Variants in PI4KA observed in about 807,000 individuals in gnomAD.
PI4KA encodes the protein PI4-kinase alpha.
In PI4KA, 122 loss-of-function variants were observed where a neutral mutation model predicts 271.4. The observed-to-expected ratio is 0.45, with a 90% CI of 0.39 to 0.52. PI4KA has a LOEUF of 0.52. Among genes scored for constraint, PI4KA ranks in the 20% least tolerant of loss-of-function variants. The pLI is 0.00. For missense variants in PI4KA, 1,969 were observed against 2,769.1 expected (o/e 0.71, Z 6.48); for synonymous variants, 1,041 against 1,078.8 (o/e 0.96, Z 0.69).
intron 19 of PI4KA, among the ~76,000 whole-genome samples, chr22:20,770,513 C>CAAAAA (rs1178691364): frequency 1.5e-4 from 2 of 13,202 alleles, no homozygotes; most frequent in African/African-American, 7.3e-4. Context: ...AACTCCGTCT[C>CAAAAA]AAAAAAAAAA....
chr22:20,787,199 G>A, intron 19 of PI4KA: 3 of 811,672 alleles, frequency 3.7e-6, no homozygotes, highest in Admixed American at 2.0e-5. Context: ...GCCCATATGA[G>A]AGGAGCTTAG....
intron 29 of PI4KA, among the ~76,000 whole-genome samples, chr22:20,746,155 C>T (rs550266787): frequency 2.0e-3 from 298 of 149,128 alleles, no homozygotes; most frequent in Middle Eastern, 7.0e-3. Context: ...CTCCGCCTCC[C>T]GGGTTCACAC....
At chr22:20,726,129 A>G (rs1927317394) in intron 42 of PI4KA, among the ~76,000 whole-genome samples, 1 of 152,120 alleles carries the variant, frequency 6.6e-6, no homozygotes. Context: ...AGACTAATGC[A>G]TATGTCATCT....
At chr22:20,721,619 C>G in intron 42 of PI4KA, 1 of 572,304 alleles carries the variant, frequency 1.7e-6, no homozygotes, top group East Asian at 2.8e-5. Context: ...GGGGCTGGGA[C>G]CTGGGGGGCA....
chr22:20,784,344 G>C, intron 19 of PI4KA: 4 of 1,521,336 alleles, frequency 2.6e-6, no homozygotes, highest in East Asian at 2.3e-5. Context: ...GGAGAATTAT[G>C]TACAAGTACC....
In PI4KA at chr22:20,729,651, G is replaced by A. The variant is rs1927777976; in HGVS notation, c.4469C>T (p.Thr1490Met). 7 of 1,575,312 alleles carry A rather than the reference G, an allele frequency of 4.4e-6. 1 individual carries two copies. The highest frequency in any genetic ancestry group is 2.7e-5 in the African/African-American group (2 of 74,270). Residue 1490 changes from threonine to methionine, a missense_variant, in exon 38 of 55, where the codon ACG (threonine) becomes ATG (methionine). Thr to Met is a moderately conservative substitution (Grantham distance 81). Transcript: ENST00000255882. ...CCTTACCAGCAGGGACAGCAGCAGC[G>A]TCCTGCGCTTCATGTAGTATTTGTG... Reference protein sequence around the residue: ...QLHKYYMKRRTLLLSLLATEI... With the variant: ...QLHKYYMKRRMLLLSLLATEI...
At chr22:20,724,575 C>T (rs1370228553) in intron 42 of PI4KA, among the ~76,000 whole-genome samples, 1 of 152,098 alleles carries the variant, frequency 6.6e-6, no homozygotes, top group Non-Finnish European at 1.5e-5. Flanking sequence ...CACTGCACTG[C>T]AGCCTGGGCA....
chr22:20,814,604 C>T (rs112975303), intron 7 of PI4KA, among the ~76,000 whole-genome samples: 469 of 149,962 alleles, frequency 3.1e-3, no homozygotes, highest in Non-Finnish European at 5.2e-3. Flanking sequence ...AAAAATTAGC[C>T]GGATACAGCA....
chr22:20,829,922 A>C (rs1923933146), intron 3 of PI4KA, among the ~76,000 whole-genome samples: 1 of 152,194 alleles, frequency 6.6e-6, no homozygotes, highest in African/African-American at 2.4e-5. Flanking sequence ...AAGGTCATTC[A>C]GGAGCAGGTT....
intron 30 of PI4KA, among the ~76,000 whole-genome samples, chr22:20,744,355 G>A (rs1213856428): frequency 6.6e-6 from 1 of 152,168 alleles, no homozygotes. Context: ...GTTTGTTACT[G>A]CTGTAAAAAA....
At chr22:20,787,161 T>C in intron 19 of PI4KA, 1 of 1,114,566 alleles carries the variant, frequency 9.0e-7, no homozygotes, top group Non-Finnish European at 1.4e-6. Context: ...ATCATTTACG[T>C]AGTTTACGCT....
At chr22:20,831,253 C>T (rs1924122733) in intron 3 of PI4KA, among the ~76,000 whole-genome samples, 1 of 151,894 alleles carries the variant, frequency 6.6e-6, no homozygotes, top group Non-Finnish European at 1.5e-5. Context: ...TTCTTCGTTG[C>T]AAATTCTTTT....
intron 22 of PI4KA, 66 bp from the exon 23 acceptor site, chr22:20,761,452 C>G: frequency 1.1e-6 from 1 of 927,238 alleles, no homozygotes; most frequent in Non-Finnish European, 1.8e-6. Flanking sequence ...AGATTTGACA[C>G]TGCCCATAAG....
chr22:20,708,059 G>A lies in PI4KA; in HGVS notation c.6297C>T (p.Asp2099=). Reference sequence around the variant, plus strand: ...GAAGGTCCCCTCCTCAGTAGGGGATGTCATTCTGATAGTACTGGATCATGT... The same window carrying A: ...GAAGGTCCCCTCCTCAGTAGGGGATATCATTCTGATAGTACTGGATCATGT... ...TYDMIQYYQN[D]IPY Residue 2099 remains aspartate (D), a synonymous_variant, in exon 55 of 55, where the codon GAC becomes GAT. Transcript: ENST00000255882. 6.2e-7 allele frequency: 1 copy of A among 1,613,198 alleles called. No individual in the cohort carries two copies. Among genetic ancestry groups the A allele is most frequent in the Non-Finnish European group, 8.5e-7 (1 of 1,179,272 alleles).
At chr22:20,834,460 C>A in intron 3 of PI4KA, 102 bp downstream of exon 3, 1 of 760,986 alleles carries the variant, frequency 1.3e-6, no homozygotes, top group South Asian at 1.6e-5. Context: ...AGGAGGGAGA[C>A]AAGATGCATC....
Position 20,764,812 on chromosome 22 carries a change from TGTACCTCATGTACTCCAGCCG to T in PI4KA, c.2692_2708+4del. The T allele has an allele frequency of 6.2e-7, 1 of 1,609,112 alleles. No homozygotes were observed. Among genetic ancestry groups the T allele is most frequent in the Non-Finnish European group, 8.5e-7 (1 of 1,177,150 alleles). ...GCATGTGCATGGTGGTGAAGGCACG[TGTACCTCATGTACTCCAGCCG>T]GTACACAGAGAGGAGGTAGGTGGAC... is the stretch of plus-strand genomic sequence containing the variant. On this transcript the variant is annotated splice_donor_variant and splice_donor_region_variant and coding_sequence_variant and intron_variant, in exon 22 of 55. Transcript: ENST00000255882. LOFTEE classifies it high-confidence loss of function.
chr22:20,831,586 AAAAC>A (rs1348510668), intron 3 of PI4KA, among the ~76,000 whole-genome samples: 14 of 101,194 alleles, frequency 1.4e-4, no homozygotes, highest in African/African-American at 6.1e-4. Flanking sequence ...AACAAAAACA[AAAAC>A]AAAAACAAAA....
intron 1 of PI4KA, among the ~76,000 whole-genome samples, chr22:20,855,682 AT>A (rs1418100627): frequency 5.3e-5 from 8 of 152,358 alleles, no homozygotes; most frequent in African/African-American, 1.9e-4. Flanking sequence ...CAGCAGCAAA[AT>A]ATTCAATACA....
Position 20,811,607 on chromosome 22 carries a change from C to CAAAAAA in PI4KA, c.1006-581_1006-576dup, listed in dbSNP as rs1185062165. On this transcript the variant is annotated intron_variant, in intron 8 of 54. Transcript: ENST00000255882. Reference sequence around the variant, plus strand: ...AATTGTTCTGTCAACTGCAGAACCACAAAAAAAAAAAAAAAACTGCCCACA... The same window carrying CAAAAAA: ...AATTGTTCTGTCAACTGCAGAACCACAAAAAAAAAAAAAAAAAAAAAACTGCCCACA... 3.0e-4 allele frequency among the ~76,000 whole-genome samples: 34 copies of CAAAAAA among 112,398 alleles called. 1 individual carries two copies. Among genetic ancestry groups the CAAAAAA allele is most frequent in the Middle Eastern group, 5.1e-3 (1 of 198 alleles). The allele number at this position is 112,398 out of a possible 152,430, so 73.7% of individuals were successfully genotyped here.
Sources: gnomAD v4.1 joint callset for allele counts (sites outside exome capture counted in the v4.1 genomes callset) on GRCh38, gnomAD v4.1.1 for gene constraint, MANE v1.5 for transcripts, NCBI Gene and HGNC (gene_info 2026-07-23, HGNC 2026-07-21) for gene names.